IMMP2L: variants seen among roughly 807,000 people sequenced by gnomAD.
IMMP2L encodes the protein inner mitochondrial membrane peptidase subunit 2, also known as mitochondrial inner membrane protease subunit 2.
In IMMP2L, 18 loss-of-function variants were observed where a neutral mutation model predicts 19.3. The observed-to-expected ratio is 0.93, with a 90% CI of 0.64 to 1.38. IMMP2L has a LOEUF of 1.38. Ranked by LOEUF, IMMP2L falls within the 40% of genes most tolerant of loss-of-function variation. IMMP2L has a pLI of 0.00. For synonymous variants in IMMP2L, 76 were observed against 73.0 expected (o/e 1.04, Z -0.21); for missense variants, 233 against 218.2 (o/e 1.07, Z -0.43).
chr7:110,895,877 A>G (rs1811270322), intron 4 of IMMP2L, among the ~76,000 whole-genome samples: 9 of 152,202 alleles, frequency 5.9e-5, no homozygotes, highest in Admixed American at 5.9e-4. Flanking sequence ...TCTATCCTGC[A>G]GCCTTGCTAA....
chr7:111,521,280 G>A lies in IMMP2L; in HGVS notation c.135+33C>T, dbSNP rs752383785. ...TAGTGCTTGAAAAACAATGAAGTAT[G>A]TGCTTTAAAGAACGAAGTTATATCA... On this transcript the variant is annotated intron_variant, in intron 2 of 5. Coordinates refer to ENST00000405709, the MANE Select transcript of IMMP2L (RefSeq NM_032549.4). 9 of 1,594,574 alleles carry A rather than the reference G, an allele frequency of 5.6e-6. No individual in the cohort carries two copies. The Admixed American group carries it at 7.0e-5, about 12-fold the overall frequency.
At chr7:110,666,414 A>G (rs1170919735) in intron 5 of IMMP2L, among the ~76,000 whole-genome samples, 1 of 152,046 alleles carries the variant, frequency 6.6e-6, no homozygotes, top group Non-Finnish European at 1.5e-5. Context: ...AGCTGGGACT[A>G]CAGGCGCCCG....
At chr7:110,886,991 A>G (rs1365021697) in intron 4 of IMMP2L, among the ~76,000 whole-genome samples, 6 of 152,140 alleles carry the variant, frequency 3.9e-5, no homozygotes, top group African/African-American at 1.4e-4. Flanking sequence ...ATATGTATTT[A>G]TGAAATCCGG....
At chr7:111,389,011 G>GA (rs1832074236) in intron 3 of IMMP2L, among the ~76,000 whole-genome samples, 1 of 152,148 alleles carries the variant, frequency 6.6e-6, no homozygotes, top group African/African-American at 2.4e-5. Flanking sequence ...CTTAGACCCA[G>GA]TAGCAAAGAG....
intron 5 of IMMP2L, among the ~76,000 whole-genome samples, chr7:110,860,764 A>G (rs542123438): frequency 1.8e-4 from 27 of 152,118 alleles, no homozygotes; most frequent in African/African-American, 6.3e-4. Context: ...TTGCAGGTGA[A>G]TCCACCTACA....
chr7:111,417,161 T>G (rs1835027923), intron 3 of IMMP2L, among the ~76,000 whole-genome samples: 1 of 151,774 alleles, frequency 6.6e-6, no homozygotes, highest in Admixed American at 6.6e-5. Flanking sequence ...ATCATAAAGC[T>G]TAAGCTTCAG....
chr7:110,965,090 T>C (rs953673189), intron 3 of IMMP2L, among the ~76,000 whole-genome samples: 1 of 152,040 alleles, frequency 6.6e-6, no homozygotes, highest in Admixed American at 6.6e-5. Context: ...TTGGGGTAAT[T>C]TGTCATGTAG....
rs538016444 is a variant in IMMP2L, at chr7:111,120,427, A to C, written c.240-156862T>G. On this transcript the variant is annotated intron_variant, in intron 3 of 5. Transcript: ENST00000405709. ...CATCAGATCTCCTGAGACTTATTTC[A>C]CTACCATGAGCATGGGGGAAACTGC... 2.0e-5 allele frequency among the ~76,000 whole-genome samples: 3 copies of C among 152,100 alleles called. No individual in the cohort carries two copies. The South Asian group carries it at 6.2e-4, about 32-fold the overall frequency.
At chr7:111,084,643 C>G (rs1012843811) in intron 3 of IMMP2L, among the ~76,000 whole-genome samples, 2 of 152,090 alleles carry the variant, frequency 1.3e-5, no homozygotes, top group Non-Finnish European at 2.9e-5. Context: ...GGTAGATGAA[C>G]CCACAATGAC....
At chr7:111,033,338 G>A (rs1445180307) in intron 3 of IMMP2L, among the ~76,000 whole-genome samples, 3 of 152,138 alleles carry the variant, frequency 2.0e-5, no homozygotes, top group Admixed American at 6.5e-5. Flanking sequence ...TGACAAAGAT[G>A]TGGAACAATA....
chr7:111,515,440 G>A (rs892535117), intron 2 of IMMP2L, among the ~76,000 whole-genome samples: 2 of 151,918 alleles, frequency 1.3e-5, no homozygotes, highest in Non-Finnish European at 2.9e-5. Flanking sequence ...TGAGCCTATG[G>A]CCTTGTCTTC....
intron 5 of IMMP2L, among the ~76,000 whole-genome samples, chr7:110,776,251 C>T (rs1242359441): frequency 3.3e-5 from 5 of 152,022 alleles, no homozygotes; most frequent in Admixed American, 3.3e-4. Flanking sequence ...CTTCAAATAT[C>T]ACCATTATTT....
At chr7:111,526,637 T>C (rs1402688657) in intron 1 of IMMP2L, among the ~76,000 whole-genome samples, 2 of 152,206 alleles carry the variant, frequency 1.3e-5, no homozygotes, top group Non-Finnish European at 2.9e-5. Flanking sequence ...CAAGATTCTT[T>C]CCTGTTTATG....
At chr7:111,268,664 C>G (rs1818115911) in intron 3 of IMMP2L, among the ~76,000 whole-genome samples, 1 of 135,426 alleles carries the variant, frequency 7.4e-6, no homozygotes, top group Non-Finnish European at 1.5e-5. Flanking sequence ...ATGAACGGGG[C>G]TCACTAAAGC....
rs181634406 is a variant in IMMP2L, at chr7:111,189,523, A to T, written c.240-225958T>A. 1.0e-3 allele frequency among the ~76,000 whole-genome samples: 154 copies of T among 152,158 alleles called. 1 individual carries two copies. The highest frequency in any genetic ancestry group is 3.6e-3 in the African/African-American group (148 of 41,508). On this transcript the variant is annotated intron_variant, in intron 3 of 5. Coordinates refer to ENST00000405709, the MANE Select transcript of IMMP2L (RefSeq NM_032549.4). ...TGTGTTTACACTCTACTCATAGATT[A>T]TACTCTAACTTTCCTATCACAGATA... is the stretch of plus-strand genomic sequence containing the variant.
intron 2 of IMMP2L, among the ~76,000 whole-genome samples, chr7:111,495,579 A>G (rs1391237268): frequency 6.6e-6 from 1 of 152,192 alleles, no homozygotes; most frequent in Non-Finnish European, 1.5e-5. Context: ...ACCTCAAATC[A>G]TATGACAGGT....
Position 111,049,252 on chromosome 7 carries a change from T to C in IMMP2L, c.240-85687A>G, listed in dbSNP as rs894353041. ...TTCACGCCATTCTTCTGCCTCAGCC[T>C]CCCGAGTAGCTGGGACTACAGGCGC... On this transcript the variant is annotated intron_variant, in intron 3 of 5. Coordinates refer to ENST00000405709, the MANE Select transcript of IMMP2L (RefSeq NM_032549.4). 1.7e-3 allele frequency among the ~76,000 whole-genome samples: 253 copies of C among 147,950 alleles called. 2 individuals are homozygous for C. The highest frequency in any genetic ancestry group is 6.0e-3 in the African/African-American group (239 of 40,168).
chr7:110,871,086 A>T (rs1808497464), intron 5 of IMMP2L, among the ~76,000 whole-genome samples: 1 of 135,744 alleles, frequency 7.4e-6, no homozygotes, highest in African/African-American at 2.9e-5. Context: ...TGAGGGCAAT[A>T]AAAAGTGAGA....
Position 110,871,394 on chromosome 7 carries a change from T to C in IMMP2L, c.408+15199A>G, listed in dbSNP as rs531704078. Among the ~76,000 whole-genome samples, 4 of 152,142 alleles carry C rather than the reference T, an allele frequency of 2.6e-5. No homozygotes were observed. In the East Asian group the frequency reaches 7.7e-4, roughly 29 times the overall value. ...TCAAGCTCAGGGGCATGCCAAAATT[T>C]AGAAATCTGGCAGAGAAGGATGAAA... On this transcript the variant is annotated intron_variant, in intron 5 of 5. Coordinates refer to ENST00000405709, the MANE Select transcript of IMMP2L (RefSeq NM_032549.4).
Sources: gnomAD v4.1 joint callset for allele counts (sites outside exome capture counted in the v4.1 genomes callset) on GRCh38, gnomAD v4.1.1 for gene constraint, MANE v1.5 for transcripts, NCBI Gene and HGNC (gene_info 2026-07-23, HGNC 2026-07-21) for gene names.